SLC14A2: variants seen among roughly 807,000 people sequenced by gnomAD.
SLC14A2 encodes the protein urea transporter 2.
Under a neutral mutation model 104.6 loss-of-function variants are expected in SLC14A2, and 91 were observed. The ratio of observed to expected loss-of-function variants is 0.87; its 90% CI spans 0.73 to 1.04. The LOEUF is 1.04. Among genes scored for constraint, SLC14A2 ranks in the 50% least tolerant of loss-of-function variants. The probability of loss-of-function intolerance (pLI) is 0.00; values close to 1 mark genes in which losing one functional copy is unlikely to be tolerated. For missense variants in SLC14A2, 1,189 were observed against 1,156.0 expected (o/e 1.03, Z -0.41); for synonymous variants, 476 against 466.4 (o/e 1.02, Z -0.27).
intron 1 of SLC14A2, among the ~76,000 whole-genome samples, chr18:45,367,888 T>G (rs1293895382): frequency 6.6e-6 from 1 of 152,132 alleles, no homozygotes; most frequent in Non-Finnish European, 1.5e-5. Flanking sequence ...AAGTGGCAGC[T>G]CTTTATCTAG....
chr18:45,591,145 A>C (rs1449568366), intron 2 of SLC14A2, among the ~76,000 whole-genome samples: 1 of 151,950 alleles, frequency 6.6e-6, no homozygotes, highest in Non-Finnish European at 1.5e-5. Context: ...TTTTTTATTT[A>C]AAGTTTTCCT....
At chr18:45,272,126 C>A (rs1388067747) in intron 1 of SLC14A2, among the ~76,000 whole-genome samples, 4 of 151,894 alleles carry the variant, frequency 2.6e-5, no homozygotes, top group Admixed American at 2.6e-4. Context: ...AAAAGGGAAT[C>A]CTTTTACACT....
At chr18:45,659,594 A>T (rs754504660) in intron 10 of SLC14A2, among the ~76,000 whole-genome samples, 2 of 152,170 alleles carry the variant, frequency 1.3e-5, no homozygotes, top group Non-Finnish European at 2.9e-5. Flanking sequence ...CAACCTTTAT[A>T]TCACCGTCTA....
At chr18:45,678,782 G>A (rs1401877329) in intron 18 of SLC14A2, among the ~76,000 whole-genome samples, 193 bp from the exon 19 acceptor site, 2 of 152,122 alleles carry the variant, frequency 1.3e-5, no homozygotes, top group Non-Finnish European at 2.9e-5. Flanking sequence ...TGCTGTCTTT[G>A]CTGCACCAGC....
chr18:45,360,303 C>T (rs1042994796), intron 1 of SLC14A2, among the ~76,000 whole-genome samples: 4 of 152,176 alleles, frequency 2.6e-5, no homozygotes, highest in South Asian at 2.1e-4. Context: ...TCTGGGCCTA[C>T]GACACATCCC....
intron 2 of SLC14A2, among the ~76,000 whole-genome samples, chr18:45,520,839 G>C (rs1206103041): frequency 6.6e-6 from 1 of 152,208 alleles, no homozygotes; most frequent in South Asian, 2.1e-4. Context: ...ATAAGGGAAA[G>C]GCTTACTAAG....
intron 2 of SLC14A2, among the ~76,000 whole-genome samples, chr18:45,581,100 A>G (rs2044484552): frequency 6.6e-6 from 1 of 152,222 alleles, no homozygotes; most frequent in Non-Finnish European, 1.5e-5. Context: ...ATGAATTGTC[A>G]TCTTCTCTCA....
chr18:45,302,066 C>A (rs2084973768), intron 1 of SLC14A2, among the ~76,000 whole-genome samples: 2 of 152,210 alleles, frequency 1.3e-5, no homozygotes, highest in South Asian at 4.1e-4. Context: ...ATCCTTTCTG[C>A]ACCATAACAA....
intron 2 of SLC14A2, among the ~76,000 whole-genome samples, chr18:45,556,994 C>A (rs963013856): frequency 1.3e-5 from 2 of 152,202 alleles, no homozygotes; most frequent in Non-Finnish European, 2.9e-5. Context: ...AAATCTGAGT[C>A]CAACCAGGTT....
chr18:45,533,561 T>G (rs984378732), intron 2 of SLC14A2, among the ~76,000 whole-genome samples: 14 of 152,362 alleles, frequency 9.2e-5, no homozygotes, highest in African/African-American at 3.4e-4. Context: ...TTGTCATTTT[T>G]TATTGCGTCT....
At chr18:45,193,786 C>G in the SLC14A2 span, among the ~76,000 whole-genome samples, 1 of 151,858 alleles carries the variant, frequency 6.6e-6, no homozygotes, top group South Asian at 2.1e-4. Context: ...TATATTGATT[C>G]TAGAGAGTAA....
chr18:45,254,522 A>G (rs540354870), intron 1 of SLC14A2, among the ~76,000 whole-genome samples: 69 of 152,310 alleles, frequency 4.5e-4, no homozygotes, highest in Admixed American at 4.4e-3. Context: ...CCAACTGCAC[A>G]ATTTGGTGAA....
At chr18:45,174,439 T>A in the SLC14A2 span, among the ~76,000 whole-genome samples, 5 of 152,228 alleles carry the variant, frequency 3.3e-5, no homozygotes, top group Admixed American at 2.6e-4. Flanking sequence ...GGGACCACTC[T>A]AGCAAGGTTA....
At chr18:45,313,012 T>G (rs2085094532) in intron 1 of SLC14A2, among the ~76,000 whole-genome samples, 1 of 152,214 alleles carries the variant, frequency 6.6e-6, no homozygotes, top group Admixed American at 6.5e-5. Flanking sequence ...CGCCCAGGGT[T>G]GGTGCTCCAG....
chr18:45,249,571 A>G (rs2084401646), intron 1 of SLC14A2, among the ~76,000 whole-genome samples: 1 of 152,176 alleles, frequency 6.6e-6, no homozygotes, highest in Non-Finnish European at 1.5e-5. Context: ...CTCTGATTTT[A>G]TCTCCTCTTC....
At chr18:45,349,156 TG>T (rs1176437696) in intron 1 of SLC14A2, among the ~76,000 whole-genome samples, 3 of 152,248 alleles carry the variant, frequency 2.0e-5, no homozygotes, top group Non-Finnish European at 4.4e-5. Flanking sequence ...TCCTGTTCCT[TG>T]TCCATTTGGA....
intron 1 of SLC14A2, among the ~76,000 whole-genome samples, chr18:45,448,012 C>G (rs2086797469): frequency 6.6e-6 from 1 of 152,236 alleles, no homozygotes; most frequent in South Asian, 2.1e-4. Context: ...CTATGTTTAT[C>G]TGCAAAACAA....
At chr18:45,220,186 C>G (rs780329869) in intron 1 of SLC14A2, among the ~76,000 whole-genome samples, 3 of 152,164 alleles carry the variant, frequency 2.0e-5, no homozygotes, top group Non-Finnish European at 2.9e-5. Flanking sequence ...AAGCAAGCAG[C>G]TGATTTGGAA....
chr18:45,326,848 T>C (rs138053557), intron 1 of SLC14A2, among the ~76,000 whole-genome samples: 1 of 152,182 alleles, frequency 6.6e-6, no homozygotes. Flanking sequence ...CTAGACTGTA[T>C]TTTTTAGTCT....
Sources: gnomAD v4.1 joint callset for allele counts (sites outside exome capture counted in the v4.1 genomes callset) on GRCh38, gnomAD v4.1.1 for gene constraint, MANE v1.5 for transcripts, NCBI Gene and HGNC (gene_info 2026-07-23, HGNC 2026-07-21) for gene names.